The following SIPA1L2 variants were observed in gnomAD, a reference collection of about 807,000 sequenced individuals.
SIPA1L2 encodes signal induced proliferation associated 1 like 2.
Under a neutral mutation model 163.9 loss-of-function variants are expected in SIPA1L2, and 56 were observed. The ratio of observed to expected loss-of-function variants is 0.34; its 90% CI spans 0.28 to 0.43. SIPA1L2 has a LOEUF of 0.43. Ranked by LOEUF, SIPA1L2 falls within the 20% of genes least tolerant of loss-of-function variation. The pLI, the probability that SIPA1L2 is intolerant of heterozygous loss-of-function variation, is 1.00. For synonymous variants in SIPA1L2, 877 were observed against 865.7 expected, an observed-to-expected ratio of 1.01 and a Z score of -0.23; for missense variants, 1,974 against 2,193.5, an observed-to-expected ratio of 0.90 and a Z score of 2.00.
Position 232,515,518 on chromosome 1 carries a change from G to T in SIPA1L2, c.-179C>A. On this transcript the variant is annotated 5_prime_UTR_variant, in exon 3 of 23. Transcript: ENST00000674635. ...AATACAGTTTCTTCAAAGCCAACTT[G>T]CTTCTCTGTTGTCGTAATAATGTTG... 6.6e-6 allele frequency: 4 copies of T among 608,214 alleles called. No individual in the cohort carries two copies. Among genetic ancestry groups the T allele is most frequent in the Admixed American group, 3.5e-5 (1 of 28,248 alleles). The allele number at this position is 608,214 out of a possible 1,614,324, so 37.7% of individuals were successfully genotyped here.
chr1:232,414,555 A>T (rs1237618090), intron 19 of SIPA1L2, among the ~76,000 whole-genome samples: 1 of 152,148 alleles, frequency 6.6e-6, no homozygotes, highest in Admixed American at 6.5e-5. Flanking sequence ...AAGGGCCCTG[A>T]GGCCTGAGAA....
intron 4 of SIPA1L2, 52 bp downstream of exon 4, chr1:232,493,472 ACAC>A: frequency 6.2e-7 from 1 of 1,600,118 alleles, no homozygotes. Flanking sequence ...TGAAGCAGTA[ACAC>A]CAAAGGAGGT....
intron 10 of SIPA1L2, among the ~76,000 whole-genome samples, chr1:232,457,704 G>A (rs1360646318): frequency 1.3e-5 from 2 of 152,176 alleles, no homozygotes; most frequent in Non-Finnish European, 2.9e-5. Context: ...AAGGAGTGAA[G>A]TGCTACCCAT....
chr1:232,509,714 T>A (rs1207293702), intron 3 of SIPA1L2, among the ~76,000 whole-genome samples: 2 of 152,212 alleles, frequency 1.3e-5, no homozygotes, highest in Non-Finnish European at 2.9e-5. Context: ...GGCTGCTGCC[T>A]CTGCCTGGAG....
Position 232,399,219 on chromosome 1 carries a change from T to G in SIPA1L2, c.5077A>C (p.Asn1693His). 1 of 1,613,886 alleles carries G rather than the reference T, an allele frequency of 6.2e-7. No individual in the cohort carries two copies. Among genetic ancestry groups the G allele is most frequent in the Non-Finnish European group, 8.5e-7 (1 of 1,179,974 alleles). Residue 1693 changes from asparagine to histidine, a missense_variant, in exon 23 of 23, where the codon AAC (asparagine) becomes CAC (histidine). Coordinates refer to ENST00000674635, the MANE Select transcript of SIPA1L2 (RefSeq NM_020808.5). The stretch of plus-strand genomic sequence containing the variant: ...TGGGACTCCTCCTGCAGTCTCATGT[T>G]GTCCTGTCTCAGGTGCTGCACTTCT... ...QAEVQHLRQD[N>H]MRLQEESQTA... is the part of the protein sequence containing the mutation.
chr1:232,544,859 A>G (rs1410439967), intron 2 of SIPA1L2, among the ~76,000 whole-genome samples: 1 of 152,198 alleles, frequency 6.6e-6, no homozygotes, highest in Non-Finnish European at 1.5e-5. Flanking sequence ...CCGAAAGCAG[A>G]TCCCCTCTTC....
At chr1:232,541,488 G>A (rs1443794729) in intron 2 of SIPA1L2, among the ~76,000 whole-genome samples, 1 of 152,110 alleles carries the variant, frequency 6.6e-6, no homozygotes, top group African/African-American at 2.4e-5. Flanking sequence ...GGCTTTCTTT[G>A]ATGAACCAGA....
At chr1:232,502,087 T>C (rs1447012495) in intron 3 of SIPA1L2, among the ~76,000 whole-genome samples, 1 of 151,940 alleles carries the variant, frequency 6.6e-6, no homozygotes, top group African/African-American at 2.4e-5. Flanking sequence ...AATGTTATAA[T>C]TATAAAAAGC....
At chr1:232,450,872 C>G (rs1376704336) in intron 10 of SIPA1L2, among the ~76,000 whole-genome samples, 2 of 151,966 alleles carry the variant, frequency 1.3e-5, no homozygotes, top group African/African-American at 2.4e-5. Flanking sequence ...AGAATGCTGG[C>G]AAAAATCTGT....
At chr1:232,445,887 T>TTGA in intron 10 of SIPA1L2, 101 bp from the exon 11 acceptor site, 5 of 1,354,822 alleles carry the variant, frequency 3.7e-6, no homozygotes, top group Non-Finnish European at 5.1e-6. Context: ...ACATGGTGTG[T>TTGA]GCCTCTCCCG....
intron 16 of SIPA1L2, among the ~76,000 whole-genome samples, chr1:232,431,921 T>C (rs1662267539): frequency 6.6e-6 from 1 of 152,204 alleles, no homozygotes; most frequent in African/African-American, 2.4e-5. Flanking sequence ...CACAGGACTC[T>C]GTGGGAATTT....
At chr1:232,405,427 C>T (rs1660579971) in intron 19 of SIPA1L2, among the ~76,000 whole-genome samples, 1 of 152,194 alleles carries the variant, frequency 6.6e-6, no homozygotes, top group Admixed American at 6.5e-5. Context: ...AGGCTTTTTG[C>T]ATAAAGTAAT....
intron 2 of SIPA1L2, among the ~76,000 whole-genome samples, chr1:232,555,810 T>G (rs1411586678): frequency 1.3e-5 from 2 of 152,120 alleles, no homozygotes; most frequent in Admixed American, 6.5e-5. Context: ...AATACAACAT[T>G]TCTAAACAAA....
chr1:232,496,737 C>G (rs1334939935), intron 3 of SIPA1L2, among the ~76,000 whole-genome samples: 2 of 152,176 alleles, frequency 1.3e-5, no homozygotes, highest in Non-Finnish European at 2.9e-5. Flanking sequence ...TTTTGGAATA[C>G]TCTCAGTTGC....
intron 1 of SIPA1L2, among the ~76,000 whole-genome samples, chr1:232,588,019 G>A (rs982077957): frequency 2.0e-5 from 3 of 152,082 alleles, no homozygotes. Flanking sequence ...GCCCAGTCTC[G>A]GGTATGTCTT....
intron 19 of SIPA1L2, among the ~76,000 whole-genome samples, chr1:232,407,695 G>A (rs1660722004): frequency 6.6e-6 from 1 of 152,186 alleles, no homozygotes; most frequent in Non-Finnish European, 1.5e-5. Flanking sequence ...GGGGAAGTCT[G>A]GAAACCTAGG....
chr1:232,513,289 A>G (rs1667065939), intron 3 of SIPA1L2, among the ~76,000 whole-genome samples: 1 of 150,506 alleles, frequency 6.6e-6, no homozygotes, highest in South Asian at 2.4e-4. Context: ...ATAGAATTAA[A>G]TAATTTATCA....
chr1:232,525,688 G>A (rs988453137), intron 2 of SIPA1L2, among the ~76,000 whole-genome samples: 1 of 152,160 alleles, frequency 6.6e-6, no homozygotes, highest in African/African-American at 2.4e-5. Flanking sequence ...CATCTCTGGA[G>A]ACATGACTGG....
At chr1:232,417,868 G>T (rs903785617) in intron 18 of SIPA1L2, among the ~76,000 whole-genome samples, 31 of 152,200 alleles carry the variant, frequency 2.0e-4, no homozygotes, top group Admixed American at 3.3e-4. Flanking sequence ...TGCAAGAGCG[G>T]CATAGCTCTG....
Sources: allele counts gnomAD v4.1 joint callset (sites outside exome capture counted in the v4.1 genomes callset), GRCh38; gene constraint gnomAD v4.1.1; transcripts MANE v1.5; gene names NCBI Gene and HGNC (gene_info 2026-07-23, HGNC 2026-07-21).